Variants in UNC13B observed in about 807,000 individuals in gnomAD.
UNC13B encodes protein unc-13 homolog B.
In UNC13B, 144 loss-of-function variants were observed where a neutral mutation model predicts 211.0. That is an observed-to-expected ratio of 0.68 (90% CI 0.60 to 0.78). The LOEUF (loss-of-function observed/expected upper bound fraction) is 0.78. UNC13B is among the 30% of genes least tolerant of loss of function. The probability of loss-of-function intolerance (pLI) is 0.00; values close to 1 mark genes in which losing one functional copy is unlikely to be tolerated. For missense variants in UNC13B, 1,777 were observed against 2,002.0 expected, an observed-to-expected ratio of 0.89 and a Z score of 2.14; for synonymous variants, 709 against 725.8, an observed-to-expected ratio of 0.98 and a Z score of 0.37.
intron 21 of UNC13B, 136 bp downstream of exon 21, chr9:35,382,643 A>G (rs987929333): frequency 5.0e-6 from 5 of 1,008,664 alleles, no homozygotes; most frequent in Non-Finnish European, 7.0e-6. Flanking sequence ...GCTCACTGCA[A>G]CTTCTACCTC....
intron 1 of UNC13B, among the ~76,000 whole-genome samples, chr9:35,178,495 CA>C (rs796411064): frequency 8.3e-4 from 112 of 134,684 alleles, no homozygotes; most frequent in Non-Finnish European, 6.3e-4. Context: ...GACCCTGTTT[CA>C]AAAAAAAAAA....
chr9:35,376,968 T>C (rs1361532756), intron 15 of UNC13B, among the ~76,000 whole-genome samples: 1 of 152,154 alleles, frequency 6.6e-6, no homozygotes, highest in Non-Finnish European at 1.5e-5. Context: ...TGGGAAACTA[T>C]TTTCCTGCCC....
intron 11 of UNC13B, among the ~76,000 whole-genome samples, chr9:35,350,024 A>G (rs1172398966): frequency 1.3e-5 from 2 of 152,234 alleles, no homozygotes; most frequent in African/African-American, 4.8e-5. Flanking sequence ...GTCAAAGAAC[A>G]TGAAGAGTAG....
chr9:35,185,917 C>CA (rs1201208084), intron 1 of UNC13B, among the ~76,000 whole-genome samples: 2 of 136,094 alleles, frequency 1.5e-5, no homozygotes, highest in East Asian at 4.7e-4. Context: ...GACTCTACCT[C>CA]AAAAAAAGAA....
At chr9:35,285,461 G>A (rs1198239951) in intron 7 of UNC13B, among the ~76,000 whole-genome samples, 2 of 152,160 alleles carry the variant, frequency 1.3e-5, no homozygotes, top group African/African-American at 4.8e-5. Flanking sequence ...GTTCACTCCT[G>A]TAATCCCAGC....
At chr9:35,176,875 C>T (rs10738939) in intron 1 of UNC13B, among the ~76,000 whole-genome samples, 124,398 of 152,114 alleles carry the variant, frequency 0.82, 51,131 homozygotes, top group East Asian at 0.98. Flanking sequence ...AGGACACTAT[C>T]GAGAGAAGGA....
At chr9:35,399,823 A>C in intron 36 of UNC13B, 94 bp downstream of exon 36, 2 of 1,207,834 alleles carry the variant, frequency 1.7e-6, no homozygotes, top group Non-Finnish European at 2.4e-6. Flanking sequence ...TCCAATTCTT[A>C]ACACTCCACA....
At chr9:35,269,695 A>G (rs965069571) in intron 7 of UNC13B, among the ~76,000 whole-genome samples, 1 of 152,220 alleles carries the variant, frequency 6.6e-6, no homozygotes, top group African/African-American at 2.4e-5. Context: ...TATGAATAAC[A>G]AAAGACAGTC....
At chr9:35,166,812 T>G (rs1821060127) in intron 1 of UNC13B, among the ~76,000 whole-genome samples, 1 of 152,250 alleles carries the variant, frequency 6.6e-6, no homozygotes, top group Non-Finnish European at 1.5e-5. Flanking sequence ...GTCTCTTACC[T>G]ATCCTTCTGG....
chr9:35,200,610 G>C (rs1329530005), intron 1 of UNC13B, among the ~76,000 whole-genome samples: 1 of 152,134 alleles, frequency 6.6e-6, no homozygotes, highest in African/African-American at 2.4e-5. Context: ...GTGAATGGGA[G>C]TTCTCTCATG....
intron 11 of UNC13B, among the ~76,000 whole-genome samples, chr9:35,347,150 T>C (rs1042959137): frequency 5.3e-5 from 8 of 152,236 alleles, no homozygotes; most frequent in Non-Finnish European, 7.3e-5. Flanking sequence ...TCTTCCTGCT[T>C]TGGCCTCCCA....
chr9:35,204,778 G>A (rs1159631554), intron 1 of UNC13B, among the ~76,000 whole-genome samples: 3 of 152,174 alleles, frequency 2.0e-5, no homozygotes, highest in East Asian at 1.9e-4. Context: ...GCTGGAAGGG[G>A]CTTGCCTTGT....
Position 35,403,254 on chromosome 9 carries a change from T to C in UNC13B, c.12572T>C (p.Val4191Ala). ...GGTACTGGGGAGCACAAGGTCACAG[T>C]GAAAGGTGAGTGATGGACTTACAGG... ...HPGTGEHKVT[V>A]KVVAANDLKW... Residue 4191 changes from valine (V) to alanine (A), a missense_variant, in exon 38 of 40, where the codon GTG becomes GCG. Val to Ala is a moderately conservative substitution (Grantham distance 64). Coordinates refer to ENST00000635942, the MANE Select transcript of UNC13B (RefSeq NM_001371189.2). The C allele has an allele frequency of 1.2e-6, 2 of 1,614,084 alleles. No individual in the cohort carries two copies. Among genetic ancestry groups the C allele is most frequent in the Admixed American group, 1.7e-5 (1 of 60,002 alleles).
rs565344477 is a variant in UNC13B, at chr9:35,364,380, G to GA, written c.9415-2567_9415-2566insA. Among the ~76,000 whole-genome samples, 313 of 152,342 alleles carry GA rather than the reference G, an allele frequency of 2.1e-3. 2 individuals carry two copies. Among genetic ancestry groups the GA allele is most frequent in the African/African-American group, 7.0e-3 (291 of 41,580 alleles). ...AGCAAATACAGGCAGGAAGGATTCT[G>GA]GAAGCCAGTCAGCTGGGCTCTATGA... On this transcript the variant is annotated intron_variant, in intron 11 of 39. Coordinates refer to ENST00000635942, the MANE Select transcript of UNC13B (RefSeq NM_001371189.2).
chr9:35,240,345 T>G (rs1447531204), intron 5 of UNC13B, among the ~76,000 whole-genome samples: 2 of 152,216 alleles, frequency 1.3e-5, no homozygotes, highest in Non-Finnish European at 2.9e-5. Flanking sequence ...TTGCTGTCAT[T>G]TTATGATCTC....
intron 1 of UNC13B, among the ~76,000 whole-genome samples, chr9:35,175,438 T>C (rs1301255110): frequency 1.3e-5 from 2 of 152,172 alleles, no homozygotes; most frequent in Non-Finnish European, 2.9e-5. Context: ...TTGATAGATG[T>C]GGTCAGAACT....
intron 37 of UNC13B, chr9:35,401,867 CTGT>C: frequency 7.6e-7 from 1 of 1,315,636 alleles, no homozygotes; most frequent in Non-Finnish European, 1.1e-6. Context: ...CTTTGAATGG[CTGT>C]TAACTCCTTA....
intron 7 of UNC13B, among the ~76,000 whole-genome samples, chr9:35,262,111 T>C (rs1377171997): frequency 6.6e-6 from 1 of 152,172 alleles, no homozygotes; most frequent in African/African-American, 2.4e-5. Context: ...CTCTTTGATA[T>C]ACTTTCATAG....
rs1440022302 is a variant in UNC13B at position 35,369,835 on chromosome 9, C to T, written c.9462-483C>T. Among the ~76,000 whole-genome samples the T allele has an allele frequency of 4.6e-5, 7 of 152,292 alleles. No homozygotes were observed. The South Asian group carries it at 8.3e-4, about 18-fold the overall frequency. ...TGACTCTTTTACTCTTGGATGGAGA[C>T]GGTCTCCTTCTATGTGCCATTGTCT... On this transcript the variant is annotated intron_variant, in intron 12 of 39. Coordinates refer to ENST00000635942, the MANE Select transcript of UNC13B (RefSeq NM_001371189.2).
Sources: allele counts gnomAD v4.1 joint callset (sites outside exome capture counted in the v4.1 genomes callset), GRCh38; gene constraint gnomAD v4.1.1; transcripts MANE v1.5; gene names NCBI Gene and HGNC (gene_info 2026-07-23, HGNC 2026-07-21).